The following NOTCH1 variants were observed in gnomAD, a reference collection of about 807,000 sequenced individuals.
The protein encoded by NOTCH1 is neurogenic locus notch homolog protein 1.
NOTCH1 carries 37 observed loss-of-function variants against 254.8 expected under a neutral mutation model. The observed-to-expected ratio is 0.15, with a 90% CI of 0.11 to 0.19. The LOEUF is 0.19. NOTCH1 is among the 10% of genes least tolerant of loss of function. NOTCH1 has a pLI of 1.00. For missense variants in NOTCH1, 2,972 were observed against 3,708.6 expected (o/e 0.80, Z 5.16); for synonymous variants, 1,731 against 1,618.1 (o/e 1.07, Z -1.68).
chr9:136,525,005 G>A (rs553948689), intron 2 of NOTCH1, among the ~76,000 whole-genome samples: 2 of 152,290 alleles, frequency 1.3e-5, no homozygotes, highest in East Asian at 1.9e-4. Flanking sequence ...TGTCAAGATC[G>A]CACTGGGGAT....
chr9:136,545,978 C>G lies in NOTCH1; in HGVS notation c.-192G>C, dbSNP rs1393778650. Among the ~76,000 whole-genome samples the G allele has an allele frequency of 6.8e-6, 1 of 148,098 alleles. No individual in the cohort carries two copies. Among genetic ancestry groups the G allele is most frequent in the Non-Finnish European group, 1.5e-5 (1 of 66,414 alleles). Reference sequence around the variant, plus strand: ...GCTCCGCGCCCGGCTCGTTCCTTCGCTGCGCTCGCGCCCGCGCCCGCGCCC... The same window carrying G: ...GCTCCGCGCCCGGCTCGTTCCTTCGGTGCGCTCGCGCCCGCGCCCGCGCCC... On this transcript the variant is annotated 5_prime_UTR_variant, in exon 1 of 34. Transcript: ENST00000651671. This position sits in a 1 kb window ranked among gnomAD's most constrained non-coding sequence, Gnocchi z 6.8.
At position 136,498,938 on chromosome 9, in the gene NOTCH1, G is replaced by A. The variant is rs765106690; in HGVS notation, c.6141C>T (p.Leu2047=). 1.2e-6 allele frequency: 2 copies of A among 1,613,666 alleles called. No individual in the cohort carries two copies. The highest frequency in any genetic ancestry group is 1.3e-5 in the African/African-American group (1 of 75,062). The change falls in exon 33 of 34, where the codon CTC becomes CTT. Residue 2047 remains leucine (L), a synonymous_variant. Coordinates refer to ENST00000651671, the MANE Select transcript of NOTCH1 (RefSeq NM_017617.5). ...TATCTTTGTTAGCCCCGTTCTTCAG[G>A]AGCACAACTGCGGCATCCACATTGT... ...AVNNVDAAVV[L]LKNGANKDMQ...
intron 33 of NOTCH1, among the ~76,000 whole-genome samples, chr9:136,498,441 C>T (rs1393112807): frequency 6.6e-6 from 1 of 152,170 alleles, no homozygotes; most frequent in Non-Finnish European, 1.5e-5. Flanking sequence ...ACCAAGAGGC[C>T]CCGCCCCGCA....
At chr9:136,521,179 G>A (rs1443907324) in intron 4 of NOTCH1, among the ~76,000 whole-genome samples, 1 of 152,176 alleles carries the variant, frequency 6.6e-6, no homozygotes, top group Non-Finnish European at 1.5e-5. Flanking sequence ...GGGTCTGGCA[G>A]GCCTGAGTCA....
At chr9:136,544,910 G>A (rs1309498929) in intron 1 of NOTCH1, among the ~76,000 whole-genome samples, 1 of 152,096 alleles carries the variant, frequency 6.6e-6, no homozygotes, top group Non-Finnish European at 1.5e-5. Context: ...AGAAACGGGG[G>A]AGGGGGGTGT....
In NOTCH1 at chr9:136,499,095, T is replaced by C. The variant is rs1842959122; in HGVS notation, c.6082+17A>G. 6.2e-7 allele frequency: 1 copy of C among 1,612,920 alleles called. No individual in the cohort carries two copies. The highest frequency in any genetic ancestry group is 8.5e-7 in the Non-Finnish European group (1 of 1,179,966). On this transcript the variant is annotated intron_variant, in intron 32 of 33. Coordinates refer to ENST00000651671, the MANE Select transcript of NOTCH1 (RefSeq NM_017617.5). The stretch of plus-strand genomic sequence containing the variant: ...GTCCCGCCCCACGACAGAGCAGCCG[T>C]GCCCCCGTGGGCTCACCCAGGTCAT...
chr9:136,518,346 C>T, intron 6 of NOTCH1, 54 bp from the exon 7 acceptor site: 1 of 1,566,926 alleles, frequency 6.4e-7, no homozygotes, highest in Non-Finnish European at 8.6e-7. Context: ...GCATGGCACA[C>T]CACCCACGGC....
Position 136,513,446 on chromosome 9 carries a change from T to G in NOTCH1, c.2299A>C (p.Thr767Pro), listed in dbSNP as rs1589064682. The G allele has an allele frequency of 6.2e-7, 1 of 1,613,106 alleles. No individual in the cohort carries two copies. The highest frequency in any genetic ancestry group is 8.5e-7 in the Non-Finnish European group (1 of 1,180,018). Residue 767 changes from threonine to proline, a missense_variant, in exon 14 of 34, where the codon ACC (threonine) becomes CCC (proline). Around this residue, in one of 8 missense-constraint regions of NOTCH1, gnomAD observed 1,343 missense variants for 1,557.0 expected, o/e 0.86. Coordinates refer to ENST00000651671, the MANE Select transcript of NOTCH1 (RefSeq NM_017617.5). The surrounding 1 kb of genome is among the most constrained non-coding windows in gnomAD (Gnocchi z 4.7). ...CESNPCVNGG[T>P]CKDMTSGYVC... ...TAGCCACTGGTCATGTCTTTGCAGG[T>G]GCCGCCGTTGACACAAGGGTTGGAT...
At chr9:136,520,354 TTCTG>T (rs997687264) in intron 4 of NOTCH1, among the ~76,000 whole-genome samples, 6 of 152,054 alleles carry the variant, frequency 3.9e-5, no homozygotes, top group African/African-American at 1.4e-4. Context: ...ACCCCGTCCG[TTCTG>T]TCTGTCTGCT....
In NOTCH1 at chr9:136,545,662, C is replaced by G; in HGVS notation, c.61+64G>C. 7.7e-7 allele frequency: 1 copy of G among 1,290,750 alleles called. No individual in the cohort carries two copies. The highest frequency in any genetic ancestry group is 1.0e-6 in the Non-Finnish European group (1 of 980,210). The allele number at this position is 1,290,750 out of a possible 1,614,324, so 80.0% of individuals were successfully genotyped here. On this transcript the variant is annotated intron_variant, in intron 1 of 33. Transcript: ENST00000651671. This position sits in a 1 kb window ranked among gnomAD's most constrained non-coding sequence, Gnocchi z 6.8. ...GCTCCCAGCCGTGGGGCGCGCGCGC[C>G]GGGCGCCGCCAAAGTTTCCAAAGGG...
In NOTCH1 at chr9:136,513,453, G is replaced by A. The variant is rs775201110; in HGVS notation, c.2292C>T (p.Asn764=). 145 of 1,613,184 alleles carry A rather than the reference G, an allele frequency of 9.0e-5. No homozygotes were observed. The highest frequency in any genetic ancestry group is 3.3e-4 in the East Asian group (15 of 44,888). The change falls in exon 14 of 34, where the codon AAC becomes AAT. Residue 764 remains asparagine, a synonymous_variant. Coordinates refer to ENST00000651671, the MANE Select transcript of NOTCH1 (RefSeq NM_017617.5). The surrounding 1 kb of genome is among the most constrained non-coding windows in gnomAD (Gnocchi z 4.7). ...TGGTCATGTCTTTGCAGGTGCCGCCGTTGACACAAGGGTTGGATTCACACT... is the reference window on the plus strand; with the variant it reads ...TGGTCATGTCTTTGCAGGTGCCGCCATTGACACAAGGGTTGGATTCACACT... ...NNECESNPCV[N]GGTCKDMTSG...
At position 136,495,855 on chromosome 9, in the gene NOTCH1, G is replaced by T; in HGVS notation, c.*216C>A. The T allele has an allele frequency of 1.9e-6, 1 of 523,052 alleles. No homozygotes were observed. 32.4% of individuals were successfully genotyped at this position (523,052 alleles called of 1,614,324 possible). ...GAATAGATAAAAGTTTCTACCTGGG[G>T]CCAGATAAAACAGTACATATAAATA... is the stretch of plus-strand genomic sequence containing the variant. On this transcript the variant is annotated 3_prime_UTR_variant, in exon 34 of 34. Transcript: ENST00000651671.
At position 136,509,007 on chromosome 9, in the gene NOTCH1, C is replaced by T. The variant is rs776957107; in HGVS notation, c.3034G>A (p.Gly1012Ser). 2.1e-5 allele frequency: 33 copies of T among 1,561,828 alleles called. No homozygotes were observed. The highest frequency in any genetic ancestry group is 4.8e-5 in the East Asian group (2 of 41,946). ...INSFTCLCPPGFTGSYCQHDV... is the reference protein window; with the variant it reads ...INSFTCLCPPSFTGSYCQHDV... ...TGCTGGCAGTAGCTGCCCGTGAAGC[C>T]GGGTGGACACAGGCAGGTGAACGAG... The change falls in exon 19 of 34, where the codon GGC becomes AGC. Residue 1012 changes from glycine (G) to serine (S), a missense_variant. Around this residue, in one of 8 missense-constraint regions of NOTCH1, gnomAD observed 1,343 missense variants for 1,557.0 expected, o/e 0.86. Transcript: ENST00000651671.
At position 136,501,798 on chromosome 9, in the gene NOTCH1, G is replaced by A. The variant is rs2133328703; in HGVS notation, c.5588C>T (p.Pro1863Leu). The A allele has an allele frequency of 6.2e-7, 1 of 1,612,786 alleles. No homozygotes were observed. The highest frequency in any genetic ancestry group is 8.5e-7 in the Non-Finnish European group (1 of 1,179,990). ...GCAGTCGGCGTCAACCTCACCCTGGGGCGGTGTGGGGGCCATGGCAGACAT... is the reference window on the plus strand; with the variant it reads ...GCAGTCGGCGTCAACCTCACCCTGGAGCGGTGTGGGGGCCATGGCAGACAT... ...LRMSAMAPTP[P>L]QGEVDADCMD... The change falls in exon 30 of 34, where the codon CCC becomes CTC. Residue 1863 changes from proline (P) to leucine (L), a missense_variant. Physicochemically the swap from Pro to Leu is moderately conservative, Grantham distance 98 (BLOSUM62 -3). This residue lies in a region of NOTCH1 where 421 missense variants were observed against 604.4 expected (regional missense o/e 0.70). Transcript: ENST00000651671.
intron 2 of NOTCH1, among the ~76,000 whole-genome samples, chr9:136,535,381 G>T (rs1368221394): frequency 6.6e-6 from 1 of 152,042 alleles, no homozygotes; most frequent in Non-Finnish European, 1.5e-5. Flanking sequence ...CCCAGCCCTG[G>T]GCCCCTGAGC....
chr9:136,528,142 T>C (rs1843498076), intron 2 of NOTCH1, among the ~76,000 whole-genome samples: 1 of 150,560 alleles, frequency 6.6e-6, no homozygotes, highest in African/African-American at 2.5e-5. Context: ...AGGGACTCAG[T>C]GCGGGTAGGA....
chr9:136,524,433 T>C (rs1265476385), intron 2 of NOTCH1, among the ~76,000 whole-genome samples: 6 of 152,128 alleles, frequency 3.9e-5, no homozygotes, highest in African/African-American at 1.2e-4. Context: ...CGGAGAGCCA[T>C]GGAGAGGAGC....
chr9:136,497,460 C>G lies in NOTCH1; in HGVS notation c.6279G>C (p.Met2093Ile). 1 of 1,612,496 alleles carries G rather than the reference C, an allele frequency of 6.2e-7. No individual in the cohort carries two copies. The part of the protein sequence containing the change: ...HFANRDITDH[M>I]DRLPRDIAQE... ...GTGCGATGTCGCGCGGCAGGCGGTC[C>G]ATATGATCCGTGATGTCCCGGTTGG... Residue 2093 changes from methionine to isoleucine, a missense_variant, in exon 34 of 34, where the codon ATG becomes ATC. Physicochemically the swap from Met to Ile is conservative, Grantham distance 10 (BLOSUM62 1). Around this residue, in one of 8 missense-constraint regions of NOTCH1, gnomAD observed 529 missense variants for 529.2 expected, o/e 1.00. Coordinates refer to ENST00000651671, the MANE Select transcript of NOTCH1 (RefSeq NM_017617.5).
intron 3 of NOTCH1, 62 bp downstream of exon 3, chr9:136,523,655 G>A (rs2133378674): frequency 6.5e-7 from 1 of 1,550,318 alleles, no homozygotes; most frequent in South Asian, 1.2e-5. Context: ...ACCTCAAGTT[G>A]CCTGGGCAGC....
Sources: gnomAD v4.1 joint callset for allele counts (sites outside exome capture counted in the v4.1 genomes callset) on GRCh38, gnomAD v4.1.1 for gene constraint, gnomAD v4.1.1 regional missense constraint, Gnocchi (gnomAD v3.1) non-coding constraint, MANE v1.5 for transcripts, NCBI Gene and HGNC (gene_info 2026-07-23, HGNC 2026-07-21) for gene names.